LOC400499: variants seen among roughly 807,000 people sequenced by gnomAD.
At chr16:11,491,188 T>C in the LOC400499 span, among the ~76,000 whole-genome samples, 41,306 of 152,048 alleles carry the variant, frequency 0.27, 6,338 homozygotes, top group African/African-American at 0.42. Flanking sequence ...TGAACCTGGG[T>C]TCTCAGGCTC....
At chr16:11,478,113 G>T in the LOC400499 span, 2 of 393,792 alleles carry the variant, frequency 5.1e-6, no homozygotes, top group African/African-American at 2.1e-5. Context: ...AAGAGTTTGA[G>T]ACCAGCCTGG....
the LOC400499 span, chr16:11,450,470 C>T: frequency 2.7e-6 from 2 of 745,606 alleles, no homozygotes; most frequent in Non-Finnish European, 4.3e-6. Flanking sequence ...CTGATAGTTG[C>T]AGGCACTGGG....
chr16:11,513,787 T>C, the LOC400499 span, among the ~76,000 whole-genome samples: 1 of 152,098 alleles, frequency 6.6e-6, no homozygotes. Flanking sequence ...TTGATGAGAA[T>C]TAAATTAAAT....
the LOC400499 span, chr16:11,439,342 T>G: frequency 1.5e-5 from 6 of 395,178 alleles, no homozygotes; most frequent in Non-Finnish European, 2.7e-5. Context: ...ACAGGGCTGT[T>G]TGGCTAAGCA....
the LOC400499 span, chr16:11,396,345 C>A: frequency 1.5e-6 from 1 of 655,160 alleles, no homozygotes; most frequent in Non-Finnish European, 2.2e-6. Context: ...TTCCCCCGAC[C>A]CAGAATGAAG....
the LOC400499 span, among the ~76,000 whole-genome samples, chr16:11,516,658 T>G: frequency 6.6e-6 from 1 of 152,196 alleles, no homozygotes; most frequent in Non-Finnish European, 1.5e-5. Flanking sequence ...CCCCAAAATA[T>G]GCCACTTGGG....
the LOC400499 span, among the ~76,000 whole-genome samples, chr16:11,419,322 C>A: frequency 1.3e-5 from 2 of 151,908 alleles, no homozygotes; most frequent in South Asian, 2.1e-4. Flanking sequence ...TGATCTTTGA[C>A]AAACCTGAGA....
the LOC400499 span, chr16:11,478,398 C>T: frequency 2.5e-6 from 1 of 397,558 alleles, no homozygotes; most frequent in Non-Finnish European, 4.4e-6. Context: ...GTAAGTGAAT[C>T]AACAGCTTCG....
At chr16:11,494,548 G>C in the LOC400499 span, 2 of 252,816 alleles carry the variant, frequency 7.9e-6, no homozygotes, top group Non-Finnish European at 1.5e-5. Flanking sequence ...CACTGAAGCC[G>C]GTACTCAGGA....
At chr16:11,403,813 G>T in the LOC400499 span, among the ~76,000 whole-genome samples, 4 of 150,504 alleles carry the variant, frequency 2.7e-5, no homozygotes, top group South Asian at 6.3e-4. Context: ...GCGCTGTGTC[G>T]GCACTCAGCT....
chr16:11,378,513 C>T, the LOC400499 span, among the ~76,000 whole-genome samples: 4 of 152,304 alleles, frequency 2.6e-5, no homozygotes, highest in South Asian at 8.3e-4. Context: ...ATTTGCCCAC[C>T]TCGGCCTCCC....
chr16:11,389,786 C>T, the LOC400499 span, among the ~76,000 whole-genome samples: 2 of 151,322 alleles, frequency 1.3e-5, no homozygotes, highest in Non-Finnish European at 2.9e-5. Flanking sequence ...CCCTCTGCAG[C>T]GAGCTGTACC....
At chr16:11,513,404 TC>T in the LOC400499 span, among the ~76,000 whole-genome samples, 1 of 34,244 alleles carries the variant, frequency 2.9e-5, no homozygotes. Context: ...AGACTGTGTC[TC>T]CAAAAAAAAA....
At chr16:11,385,837 C>G in the LOC400499 span, among the ~76,000 whole-genome samples, 1 of 152,172 alleles carries the variant, frequency 6.6e-6, no homozygotes, top group Admixed American at 6.5e-5. Context: ...GATGCAGGCA[C>G]AACTCTGAAT....
At chr16:11,460,711 A>G in the LOC400499 span, 12 of 1,422,038 alleles carry the variant, frequency 8.4e-6, no homozygotes, top group Non-Finnish European at 1.1e-5. Flanking sequence ...CCTCAGCCAC[A>G]CCCCCCATGC....
At chr16:11,473,931 C>CT in the LOC400499 span, among the ~76,000 whole-genome samples, 1 of 152,194 alleles carries the variant, frequency 6.6e-6, no homozygotes, top group South Asian at 2.1e-4. Flanking sequence ...ACACAGCTCA[C>CT]TGTTGCCTCG....
At chr16:11,461,756 C>A in the LOC400499 span, among the ~76,000 whole-genome samples, 1 of 152,176 alleles carries the variant, frequency 6.6e-6, no homozygotes, top group Non-Finnish European at 1.5e-5. Context: ...ACCTTGGAAT[C>A]TTCCGGAACA....
chr16:11,495,176 T>C, the LOC400499 span, among the ~76,000 whole-genome samples: 16 of 150,176 alleles, frequency 1.1e-4, no homozygotes, highest in Admixed American at 9.3e-4. Flanking sequence ...ACCACTGCAC[T>C]GCACCCTGGG....
chr16:11,422,343 T>C, the LOC400499 span, among the ~76,000 whole-genome samples: 1 of 151,946 alleles, frequency 6.6e-6, no homozygotes, highest in African/African-American at 2.4e-5. Flanking sequence ...GAGGTTGCAG[T>C]GAGCTGAGGT....
Sources: gnomAD v4.1 joint callset for allele counts (sites outside exome capture counted in the v4.1 genomes callset) on GRCh38, gnomAD v4.1.1 for gene constraint, MANE v1.5 for transcripts.